TOGARAM1: variants seen among roughly 807,000 people sequenced by gnomAD.
TOGARAM1 encodes the protein TOG array regulator of axonemal microtubules protein 1.
A neutral mutation model predicts 166.6 loss-of-function variants in TOGARAM1; 100 were observed. That is an observed-to-expected ratio of 0.60 (90% CI 0.51 to 0.71). The LOEUF (loss-of-function observed/expected upper bound fraction) is 0.71, where lower values mean the gene tolerates loss of function less well. Ranked by LOEUF, TOGARAM1 falls within the 30% of genes least tolerant of loss-of-function variation. The pLI is 0.00. For synonymous variants in TOGARAM1, 758 were observed against 763.8 expected (o/e 0.99, Z 0.13); for missense variants, 2,029 against 2,102.7 (o/e 0.96, Z 0.69).
At chr14:44,999,052 G>A (rs1887567112) in intron 2 of TOGARAM1, among the ~76,000 whole-genome samples, 1 of 152,182 alleles carries the variant, frequency 6.6e-6, no homozygotes, top group Non-Finnish European at 1.5e-5. Context: ...TGGGAAGAAA[G>A]CAAGCCAGGT....
intron 19 of TOGARAM1, among the ~76,000 whole-genome samples, chr14:45,072,248 G>T (rs1883418556): frequency 6.6e-6 from 1 of 152,168 alleles, no homozygotes; most frequent in Admixed American, 6.5e-5. Context: ...AGGCAGTACA[G>T]TTCTACATGA....
chr14:44,998,571 T>G (rs1644532191), intron 2 of TOGARAM1, among the ~76,000 whole-genome samples: 1 of 152,172 alleles, frequency 6.6e-6, no homozygotes, highest in Non-Finnish European at 1.5e-5. Flanking sequence ...AGGTCGAGGC[T>G]GCAGTGAGCC....
At chr14:45,055,825 C>T (rs1270243207) in intron 16 of TOGARAM1, among the ~76,000 whole-genome samples, 2 of 135,040 alleles carry the variant, frequency 1.5e-5, no homozygotes, top group African/African-American at 2.8e-5. Flanking sequence ...AAAAAGATTG[C>T]TTTGGCTACT....
intron 11 of TOGARAM1, among the ~76,000 whole-genome samples, chr14:45,040,494 G>GAAAGCA (rs889120343): frequency 1.3e-5 from 2 of 151,590 alleles, no homozygotes; most frequent in African/African-American, 4.8e-5. Context: ...GAAAATCAAT[G>GAAAGCA]AAAGCAAAAG....
intron 17 of TOGARAM1, among the ~76,000 whole-genome samples, chr14:45,067,392 C>T (rs954733884): frequency 6.6e-6 from 1 of 151,990 alleles, no homozygotes; most frequent in African/African-American, 2.4e-5. Context: ...TAAAACTTTC[C>T]ATATGTGGGT....
intron 17 of TOGARAM1, among the ~76,000 whole-genome samples, chr14:45,067,416 A>G (rs544953220): frequency 1.3e-5 from 2 of 152,334 alleles, no homozygotes; most frequent in African/African-American, 2.4e-5. Context: ...AAATCTCTAT[A>G]TACTGACTCC....
intron 12 of TOGARAM1, among the ~76,000 whole-genome samples, chr14:45,044,001 G>A (rs982660858): frequency 6.6e-6 from 1 of 152,006 alleles, no homozygotes; most frequent in Admixed American, 6.6e-5. Flanking sequence ...TATATATTAA[G>A]ATGTGGGGTT....
chr14:45,020,717 A>G (rs1880450159), intron 7 of TOGARAM1, among the ~76,000 whole-genome samples: 1 of 152,192 alleles, frequency 6.6e-6, no homozygotes. Flanking sequence ...TAGGCAGACT[A>G]TTTGTGTGGG....
chr14:45,029,789 A>G (rs2138914080), intron 10 of TOGARAM1, among the ~76,000 whole-genome samples: 1 of 152,338 alleles, frequency 6.6e-6, no homozygotes, highest in Non-Finnish European at 1.5e-5. Flanking sequence ...TTATAAAAGT[A>G]TCAGTCTGCA....
intron 1 of TOGARAM1, among the ~76,000 whole-genome samples, chr14:44,977,233 T>G (rs2138744265): frequency 7.5e-6 from 1 of 133,630 alleles, no homozygotes; most frequent in East Asian, 2.0e-4. Flanking sequence ...TAGACAGACT[T>G]TTTTTTTTTT....
intron 16 of TOGARAM1, among the ~76,000 whole-genome samples, chr14:45,060,740 G>C (rs185370593): frequency 6.6e-6 from 1 of 152,150 alleles, no homozygotes; most frequent in Non-Finnish European, 1.5e-5. Context: ...CTCAAGTTGG[G>C]TTTATCTGAT....
intron 3 of TOGARAM1, among the ~76,000 whole-genome samples, chr14:45,000,014 A>AG (rs1887621617): frequency 6.6e-6 from 1 of 152,030 alleles, no homozygotes; most frequent in Non-Finnish European, 1.5e-5. Flanking sequence ...TTATTTTGAG[A>AG]TGGAGTCTTG....
intron 7 of TOGARAM1, chr14:45,025,578 AAG>A: frequency 2.4e-6 from 1 of 409,408 alleles, no homozygotes; most frequent in East Asian, 4.4e-5. Flanking sequence ...AAAAAAAAAA[AAG>A]GAAAGGAAGG....
At chr14:45,022,009 A>T (rs1352664541) in intron 7 of TOGARAM1, among the ~76,000 whole-genome samples, 1 of 152,052 alleles carries the variant, frequency 6.6e-6, no homozygotes, top group Non-Finnish European at 1.5e-5. Context: ...AGAGCAGGCC[A>T]TGTGAGGTGG....
intron 11 of TOGARAM1, among the ~76,000 whole-genome samples, chr14:45,036,398 A>AC (rs1194128215): frequency 6.6e-6 from 1 of 152,170 alleles, no homozygotes; most frequent in Non-Finnish European, 1.5e-5. Flanking sequence ...GCAAGACCCA[A>AC]CTATATGCTA....
At chr14:45,066,836 G>T (rs1291119871) in intron 17 of TOGARAM1, 69 bp downstream of exon 17, 1 of 1,349,376 alleles carries the variant, frequency 7.4e-7, no homozygotes, top group Non-Finnish European at 1.0e-6. Flanking sequence ...AGCACTTTGG[G>T]AAGCCAAGGT....
Position 45,073,715 on chromosome 14 carries a change from A to C in TOGARAM1, c.*154A>C. The C allele has an allele frequency of 1.6e-6, 1 of 620,402 alleles. No homozygotes were observed. The highest frequency in any genetic ancestry group is 2.7e-6 in the Non-Finnish European group (1 of 372,666). The allele number at this position is 620,402 out of a possible 1,614,324, so 38.4% of individuals were successfully genotyped here. On this transcript the variant is annotated 3_prime_UTR_variant, in exon 20 of 20. Coordinates refer to ENST00000361462, the MANE Select transcript of TOGARAM1 (RefSeq NM_001308120.2). ...CAGCCTATGAGTACACATCTGTCCT[A>C]TATCAACCTTACCACTTATATTCAT... is the stretch of plus-strand genomic sequence containing the variant.
intron 3 of TOGARAM1, 106 bp downstream of exon 3, chr14:44,999,603 AT>A (rs1887602998): frequency 1.1e-6 from 1 of 884,278 alleles, no homozygotes; most frequent in Non-Finnish European, 1.6e-6. Flanking sequence ...ATCACAAAAA[AT>A]AAAAGGATTT....
At chr14:44,972,517 T>C (rs1215379390) in intron 1 of TOGARAM1, among the ~76,000 whole-genome samples, 2 of 152,134 alleles carry the variant, frequency 1.3e-5, no homozygotes, top group Non-Finnish European at 2.9e-5. Context: ...TTTCTTGTAA[T>C]TCTATCAGTC....
Sources: gnomAD v4.1 joint callset for allele counts (sites outside exome capture counted in the v4.1 genomes callset) on GRCh38, gnomAD v4.1.1 for gene constraint, MANE v1.5 for transcripts, NCBI Gene and HGNC (gene_info 2026-07-23, HGNC 2026-07-21) for gene names.